The following BCAS3 variants were observed in gnomAD, a reference collection of about 807,000 sequenced individuals.
BCAS3 encodes BCAS3 microtubule associated cell migration factor, also known as BCAS4/BCAS3 fusion.
A neutral mutation model predicts 116.1 loss-of-function variants in BCAS3; 53 were observed. The observed-to-expected ratio is 0.46, with a 90% CI of 0.37 to 0.57. The LOEUF is 0.57. Ranked by LOEUF, BCAS3 falls within the 20% of genes least tolerant of loss-of-function variation. The pLI is 0.00. For missense variants in BCAS3, 917 were observed against 1,165.4 expected, an observed-to-expected ratio of 0.79 and a Z score of 3.10; for synonymous variants, 391 against 408.2, an observed-to-expected ratio of 0.96 and a Z score of 0.51.
intron 19 of BCAS3, among the ~76,000 whole-genome samples, chr17:61,044,666 G>A (rs931282987): frequency 6.6e-6 from 1 of 151,566 alleles, no homozygotes; most frequent in Admixed American, 6.6e-5. Flanking sequence ...AAGATGAAAA[G>A]ACCTGGGTTC....
At chr17:61,271,124 CTTT>C (rs1198682844) in intron 22 of BCAS3, among the ~76,000 whole-genome samples, 4 of 107,118 alleles carry the variant, frequency 3.7e-5, no homozygotes, top group Middle Eastern at 5.3e-3. Context: ...AACTTTTATT[CTTT>C]TTTTTTTTTT....
chr17:60,995,733 A>G lies in BCAS3; in HGVS notation c.1486+5498A>G, dbSNP rs868188601. On this transcript the variant is annotated intron_variant, in intron 15 of 23. Transcript: ENST00000407086. This position sits in a 1 kb window ranked among gnomAD's most constrained non-coding sequence, Gnocchi z 4.7. ...GTAACAACTTAAAAAAACATCTCCAAGGTGTAGTCATTTGATCAACAACAT... is the reference window on the plus strand; with the variant it reads ...GTAACAACTTAAAAAAACATCTCCAGGGTGTAGTCATTTGATCAACAACAT... Among the ~76,000 whole-genome samples, 1 of 152,324 alleles carries G rather than the reference A, an allele frequency of 6.6e-6. No individual in the cohort carries two copies. Among genetic ancestry groups the G allele is most frequent in the South Asian group, 2.1e-4 (1 of 4,826 alleles).
chr17:60,863,234 A>C lies in BCAS3; in HGVS notation c.477-5342A>C, dbSNP rs186379573. ...CATACAAATGTGAGTTTATTTCTCG[A>C]CTCACTATTCTGTTTCCTTGAAATA... On this transcript the variant is annotated intron_variant, in intron 7 of 23. Transcript: ENST00000407086. Among the ~76,000 whole-genome samples, 292 of 152,160 alleles carry C rather than the reference A, an allele frequency of 1.9e-3. 1 individual carries two copies. The highest frequency in any genetic ancestry group is 6.7e-3 in the African/African-American group (278 of 41,516).
Position 61,387,342 on chromosome 17 carries a change from T to C in BCAS3, c.2594-4635T>C, listed in dbSNP as rs1164996658. On this transcript the variant is annotated intron_variant, in intron 23 of 23. Transcript: ENST00000407086. The surrounding 1 kb of genome is among the most constrained non-coding windows in gnomAD (Gnocchi z 6.2). ...CAAAGAGTGACCCCACCCCACCCCATCTCCCTGGGCACACGCTCCCAAGTG... is the reference window on the plus strand; with the variant it reads ...CAAAGAGTGACCCCACCCCACCCCACCTCCCTGGGCACACGCTCCCAAGTG... Among the ~76,000 whole-genome samples, 2 of 151,940 alleles carry C rather than the reference T, an allele frequency of 1.3e-5. No individual in the cohort carries two copies. Among genetic ancestry groups the C allele is most frequent in the African/African-American group, 4.8e-5 (2 of 41,370 alleles).
chr17:60,970,440 C>T (rs2061896532), intron 14 of BCAS3, among the ~76,000 whole-genome samples: 1 of 151,630 alleles, frequency 6.6e-6, no homozygotes. Flanking sequence ...GAAGAAATTG[C>T]CTATAAGGTA....
intron 22 of BCAS3, among the ~76,000 whole-genome samples, chr17:61,223,532 G>A (rs1355357080): frequency 6.6e-6 from 1 of 152,140 alleles, no homozygotes; most frequent in Non-Finnish European, 1.5e-5. Flanking sequence ...GTCCTAGAGA[G>A]CTTGTAAATT....
At chr17:60,698,879 A>ATTTTT (rs2035997584) in intron 4 of BCAS3, among the ~76,000 whole-genome samples, 1 of 152,158 alleles carries the variant, frequency 6.6e-6, no homozygotes, top group Non-Finnish European at 1.5e-5. Flanking sequence ...AACATGGTGA[A>ATTTTT]ACCCCATCTT....
At position 61,281,041 on chromosome 17, in the gene BCAS3, A is replaced by G. The variant is rs1162014914; in HGVS notation, c.2426-87286A>G. ...TCCCAATCCTTGCCCAGAGGAAACA[A>G]TCACTGTCAGCAGTTTACTGTGTAT... On this transcript the variant is annotated intron_variant, in intron 22 of 23. Coordinates refer to ENST00000407086, the MANE Select transcript of BCAS3 (RefSeq NM_017679.5). This position sits in a 1 kb window ranked among gnomAD's most constrained non-coding sequence, Gnocchi z 4.2. 2.0e-5 allele frequency among the ~76,000 whole-genome samples: 3 copies of G among 152,232 alleles called. No homozygotes were observed. Among genetic ancestry groups the G allele is most frequent in the African/African-American group, 7.2e-5 (3 of 41,462 alleles).
intron 5 of BCAS3, among the ~76,000 whole-genome samples, chr17:60,736,489 C>T (rs1009893254): frequency 2.6e-5 from 4 of 151,920 alleles, no homozygotes; most frequent in Admixed American, 6.6e-5. Context: ...CACAGCCTAA[C>T]GTCTTTTTTA....
In BCAS3 at chr17:61,032,055, A is replaced by G. The variant is rs1408587992; in HGVS notation, c.1638-2611A>G. Among the ~76,000 whole-genome samples, 1 of 152,124 alleles carries G rather than the reference A, an allele frequency of 6.6e-6. No homozygotes were observed. The highest frequency in any genetic ancestry group is 1.9e-4 in the East Asian group (1 of 5,192). ...TAAACATACAAAAAATATTTTTTGT[A>G]TGTCAAAAAACTAAATTGACGTCCT... is the stretch of plus-strand genomic sequence containing the variant. On this transcript the variant is annotated intron_variant, in intron 16 of 23. Coordinates refer to ENST00000407086, the MANE Select transcript of BCAS3 (RefSeq NM_017679.5). This position sits in a 1 kb window ranked among gnomAD's most constrained non-coding sequence, Gnocchi z 4.6.
intron 22 of BCAS3, among the ~76,000 whole-genome samples, chr17:61,210,846 C>T (rs987972592): frequency 6.6e-6 from 1 of 152,122 alleles, no homozygotes; most frequent in African/African-American, 2.4e-5. Context: ...CCGCTTTTCA[C>T]GGACATTTTT....
intron 5 of BCAS3, among the ~76,000 whole-genome samples, chr17:60,721,280 G>A (rs1276726845): frequency 6.6e-6 from 1 of 152,126 alleles, no homozygotes; most frequent in Non-Finnish European, 1.5e-5. Flanking sequence ...ACCTTATTTT[G>A]TTTGGTGCAT....
chr17:60,715,132 C>CTTTTTTTTTTTT (rs200488032), intron 5 of BCAS3, among the ~76,000 whole-genome samples: 1 of 125,414 alleles, frequency 8.0e-6, no homozygotes, highest in Non-Finnish European at 1.6e-5. Flanking sequence ...CTTTCTCTTT[C>CTTTTTTTTTTTT]TTTTTTTTTT....
intron 22 of BCAS3, among the ~76,000 whole-genome samples, chr17:61,172,437 T>G (rs1236247458): frequency 6.6e-6 from 1 of 150,808 alleles, no homozygotes; most frequent in Non-Finnish European, 1.5e-5. Context: ...ATCGAGACCA[T>G]CCTGGCTAAC....
In BCAS3 at chr17:60,989,993, A is replaced by G; in HGVS notation, c.1244A>G (p.His415Arg). 1 of 1,614,178 alleles carries G rather than the reference A, an allele frequency of 6.2e-7. No individual in the cohort carries two copies. The highest frequency in any genetic ancestry group is 1.7e-4 in the Middle Eastern group (1 of 6,050). Reference sequence around the variant, plus strand: ...TAGGTACAGGACATCTGCTTCAGCCATGACTGTCGCTGGGTTGTGGTCAGT... The same window carrying G: ...TAGGTACAGGACATCTGCTTCAGCCGTGACTGTCGCTGGGTTGTGGTCAGT... Reference protein sequence around the residue: ...EAKVQDICFSHDCRWVVVSTL... With the variant: ...EAKVQDICFSRDCRWVVVSTL... Residue 415 changes from histidine (H) to arginine (R), a missense_variant, in exon 15 of 24, where the codon CAT becomes CGT. Coordinates refer to ENST00000407086, the MANE Select transcript of BCAS3 (RefSeq NM_017679.5).
chr17:60,955,271 G>A (rs2061058792), intron 14 of BCAS3, among the ~76,000 whole-genome samples: 1 of 151,640 alleles, frequency 6.6e-6, no homozygotes, highest in Admixed American at 6.6e-5. Context: ...ACATTCTTCT[G>A]TGTAACCATA....
intron 22 of BCAS3, among the ~76,000 whole-genome samples, chr17:61,359,967 A>C (rs1428952507): frequency 1.3e-5 from 2 of 150,586 alleles, no homozygotes; most frequent in African/African-American, 4.9e-5. Flanking sequence ...TGTGGGGCCT[A>C]GTGCAGGAGC....
intron 22 of BCAS3, among the ~76,000 whole-genome samples, chr17:61,160,578 T>A (rs1032232385): frequency 2.0e-5 from 3 of 152,182 alleles, no homozygotes. Context: ...CCATTTGTTT[T>A]TTCTAAATAT....
intron 22 of BCAS3, among the ~76,000 whole-genome samples, chr17:61,143,334 T>C (rs1219083046): frequency 1.3e-5 from 2 of 152,266 alleles, no homozygotes; most frequent in Non-Finnish European, 1.5e-5. Flanking sequence ...TACTTTAATA[T>C]CAATTTATAT....
Sources: gnomAD v4.1 joint callset for allele counts (sites outside exome capture counted in the v4.1 genomes callset) on GRCh38, gnomAD v4.1.1 for gene constraint, Gnocchi (gnomAD v3.1) non-coding constraint, MANE v1.5 for transcripts, NCBI Gene and HGNC (gene_info 2026-07-23, HGNC 2026-07-21) for gene names.